IMMP2L: variants seen among roughly 807,000 people sequenced by gnomAD.
IMMP2L encodes the protein inner mitochondrial membrane peptidase subunit 2.
IMMP2L carries 18 observed loss-of-function variants against 19.3 expected under a neutral mutation model. That is an observed-to-expected ratio of 0.93 (90% CI 0.64 to 1.38). The LOEUF is 1.38. Among genes scored for constraint, IMMP2L ranks in the 40% most tolerant of loss-of-function variants. The probability of loss-of-function intolerance (pLI) is 0.00; values close to 1 mark genes in which losing one functional copy is unlikely to be tolerated. For missense variants in IMMP2L, 233 were observed against 218.2 expected, an observed-to-expected ratio of 1.07 and a Z score of -0.43; for synonymous variants, 76 against 73.0, an observed-to-expected ratio of 1.04 and a Z score of -0.21.
chr7:110,706,223 C>A (rs1794670006), intron 5 of IMMP2L, among the ~76,000 whole-genome samples: 1 of 152,098 alleles, frequency 6.6e-6, no homozygotes, highest in African/African-American at 2.4e-5. Flanking sequence ...CTGCCTCAGC[C>A]TCCCAAGTAG....
chr7:111,502,135 C>T (rs1479599613), intron 2 of IMMP2L, among the ~76,000 whole-genome samples: 4 of 151,874 alleles, frequency 2.6e-5, no homozygotes, highest in African/African-American at 7.3e-5. Context: ...ATCTACCAAG[C>T]AAATGGAAAA....
At chr7:110,882,844 C>T (rs1809835320) in intron 5 of IMMP2L, among the ~76,000 whole-genome samples, 2 of 151,308 alleles carry the variant, frequency 1.3e-5, no homozygotes, top group Admixed American at 1.3e-4. Flanking sequence ...TACTAAATTG[C>T]TTAAAATGTC....
intron 3 of IMMP2L, among the ~76,000 whole-genome samples, chr7:111,278,284 T>C (rs1327125398): frequency 6.6e-6 from 1 of 152,198 alleles, no homozygotes; most frequent in Admixed American, 6.5e-5. Context: ...CAACAATTTC[T>C]GCCCTATGGT....
intron 3 of IMMP2L, among the ~76,000 whole-genome samples, chr7:111,458,354 G>C (rs1839854224): frequency 1.3e-5 from 2 of 151,884 alleles, no homozygotes; most frequent in Non-Finnish European, 2.9e-5. Flanking sequence ...ACTCCAGCTT[G>C]GGCATCAGAA....
intron 3 of IMMP2L, among the ~76,000 whole-genome samples, chr7:111,400,206 C>G (rs578048374): frequency 3.6e-4 from 55 of 152,226 alleles, no homozygotes; most frequent in Middle Eastern, 3.4e-3. Context: ...TCACCTAGCT[C>G]ATAGTAAGCA....
chr7:111,375,282 G>A (rs1170195566), intron 3 of IMMP2L, among the ~76,000 whole-genome samples: 2 of 151,824 alleles, frequency 1.3e-5, no homozygotes, highest in Non-Finnish European at 1.5e-5. Flanking sequence ...AATAATAATA[G>A]TAGTCTTATG....
In IMMP2L at chr7:110,870,433, A is replaced by G. The variant is rs1256060391; in HGVS notation, c.408+16160T>C. Among the ~76,000 whole-genome samples, 3 of 152,174 alleles carry G rather than the reference A, an allele frequency of 2.0e-5. No individual in the cohort carries two copies. The highest frequency in any genetic ancestry group is 6.6e-5 in the Admixed American group (1 of 15,254). ...AGGCACTGTGCTACAGCAGTGAACC[A>G]AAAGGACAAGGTTCCTGACCTCATG... On this transcript the variant is annotated intron_variant, in intron 5 of 5. Coordinates refer to ENST00000405709, the MANE Select transcript of IMMP2L (RefSeq NM_032549.4). The surrounding 1 kb of genome is among the most constrained non-coding windows in gnomAD (Gnocchi z 4.2).
At chr7:110,691,025 C>A (rs974786475) in intron 5 of IMMP2L, among the ~76,000 whole-genome samples, 2 of 151,966 alleles carry the variant, frequency 1.3e-5, no homozygotes, top group African/African-American at 4.8e-5. Context: ...CAATCCTAAA[C>A]AAAAAGAATA....
chr7:110,821,569 T>C (rs1459937531), intron 5 of IMMP2L, among the ~76,000 whole-genome samples: 2 of 152,066 alleles, frequency 1.3e-5, no homozygotes, highest in Non-Finnish European at 2.9e-5. Context: ...CCTAGACATT[T>C]ATGATATGTC....
At chr7:111,224,737 G>A (rs1033400829) in intron 3 of IMMP2L, among the ~76,000 whole-genome samples, 2 of 152,044 alleles carry the variant, frequency 1.3e-5, no homozygotes, top group African/African-American at 4.8e-5. Context: ...TTTTTGATAT[G>A]TTAATATTTT....
chr7:111,210,642 A>T (rs932052141), intron 3 of IMMP2L, among the ~76,000 whole-genome samples: 14 of 152,160 alleles, frequency 9.2e-5, no homozygotes, highest in Non-Finnish European at 1.9e-4. Context: ...TAATAGAAAA[A>T]AAAATACTAC....
chr7:111,265,395 G>A (rs1312878574), intron 3 of IMMP2L, among the ~76,000 whole-genome samples: 1 of 152,166 alleles, frequency 6.6e-6, no homozygotes, highest in Non-Finnish European at 1.5e-5. Context: ...AATGGAATCT[G>A]ATAAATATCA....
chr7:111,555,578 T>A (rs1383319736), intron 1 of IMMP2L, among the ~76,000 whole-genome samples: 1 of 152,084 alleles, frequency 6.6e-6, no homozygotes, highest in East Asian at 1.9e-4. Context: ...AAATAAAATC[T>A]GAAGCAGTGA....
In IMMP2L at chr7:110,729,257, T is replaced by G. The variant is rs571337394; in HGVS notation, c.409-65536A>C. Among the ~76,000 whole-genome samples, 15 of 152,294 alleles carry G rather than the reference T, an allele frequency of 9.8e-5. No homozygotes were observed. In the South Asian group the frequency reaches 3.1e-3, roughly 32 times the overall value. On this transcript the variant is annotated intron_variant, in intron 5 of 5. Coordinates refer to ENST00000405709, the MANE Select transcript of IMMP2L (RefSeq NM_032549.4). ...AATTTATAAAATAAAAGAAGTCTAATTGACTCACAGTTCTGCATGGCTGGG... is the reference window on the plus strand; with the variant it reads ...AATTTATAAAATAAAAGAAGTCTAAGTGACTCACAGTTCTGCATGGCTGGG...
In IMMP2L at chr7:110,682,358, AG is replaced by A. The variant is rs530145541; in HGVS notation, c.409-18638del. On this transcript the variant is annotated intron_variant, in intron 5 of 5. Coordinates refer to ENST00000405709, the MANE Select transcript of IMMP2L (RefSeq NM_032549.4). Reference sequence around the variant, plus strand: ...CTAACTAATAATTATCATACTGGGCAGTGATGGTCTATTTAGTTCTTTCTCT... The same window carrying A: ...CTAACTAATAATTATCATACTGGGCATGATGGTCTATTTAGTTCTTTCTCT... Among the ~76,000 whole-genome samples, 437 of 152,288 alleles carry A rather than the reference AG, an allele frequency of 2.9e-3. 2 individuals are homozygous for A. Among genetic ancestry groups the A allele is most frequent in the Non-Finnish European group, 4.9e-3 (332 of 68,014 alleles).
In IMMP2L at chr7:111,543,776, T is replaced by C. The variant is rs138429922; in HGVS notation, c.-3+18075A>G. Among the ~76,000 whole-genome samples the C allele has an allele frequency of 5.7e-3, 870 of 152,312 alleles. 10 individuals carry two copies. Among genetic ancestry groups the C allele is most frequent in the Middle Eastern group, 0.054 (16 of 294 alleles). On this transcript the variant is annotated intron_variant, in intron 1 of 5. Coordinates refer to ENST00000405709, the MANE Select transcript of IMMP2L (RefSeq NM_032549.4). ...ACTCAAAATCTTTTTTATTCCATAA[T>C]CAAATAGCAATCCTTAAGAATATAC...
At chr7:111,316,845 CTTTTTTTTTTTT>C (rs869155077) in intron 3 of IMMP2L, among the ~76,000 whole-genome samples, 1 of 75,896 alleles carries the variant, frequency 1.3e-5, no homozygotes, top group African/African-American at 4.9e-5. Flanking sequence ...TTTTTTTTTT[CTTTTTTTTTTTT>C]TTTTTTTTTT....
chr7:111,261,623 A>C (rs1166473375), intron 3 of IMMP2L, among the ~76,000 whole-genome samples: 1 of 152,154 alleles, frequency 6.6e-6, no homozygotes, highest in Non-Finnish European at 1.5e-5. Context: ...GATATAGCAG[A>C]CAGAGGTACT....
intron 4 of IMMP2L, among the ~76,000 whole-genome samples, chr7:110,896,328 T>C (rs1181535763): frequency 1.3e-5 from 2 of 152,330 alleles, no homozygotes; most frequent in African/African-American, 4.8e-5. Context: ...GTTAAAGGTG[T>C]AGATACCATA....
Sources: gnomAD v4.1 joint callset for allele counts (sites outside exome capture counted in the v4.1 genomes callset) on GRCh38, gnomAD v4.1.1 for gene constraint, Gnocchi (gnomAD v3.1) non-coding constraint, MANE v1.5 for transcripts, NCBI Gene and HGNC (gene_info 2026-07-23, HGNC 2026-07-21) for gene names.